PPP1R37: variants seen among roughly 807,000 people sequenced by gnomAD.
PPP1R37 encodes the protein leucine rich repeat containing 68.
In PPP1R37, 21 loss-of-function variants were observed where a neutral mutation model predicts 61.0. That is an observed-to-expected ratio of 0.34 (90% CI 0.24 to 0.50). PPP1R37 has a LOEUF of 0.50. PPP1R37 is among the 20% of genes least tolerant of loss of function. The pLI is 0.98. For synonymous variants in PPP1R37, 443 were observed against 433.5 expected, an observed-to-expected ratio of 1.02 and a Z score of -0.27; for missense variants, 910 against 952.7, an observed-to-expected ratio of 0.96 and a Z score of 0.59.
intron 1 of PPP1R37, among the ~76,000 whole-genome samples, chr19:45,105,191 C>T (rs940887936): frequency 3.9e-5 from 6 of 152,174 alleles, no homozygotes; most frequent in African/African-American, 1.4e-4. Context: ...CAGTCCCTAC[C>T]CTAGCATAGT....
intron 2 of PPP1R37, 127 bp from the exon 3 acceptor site, chr19:45,140,109 T>C (rs1383075845): frequency 6.5e-6 from 5 of 766,010 alleles, no homozygotes; most frequent in Non-Finnish European, 1.1e-5. Context: ...TCTGAGCCTC[T>C]GTTCAGTGCC....
At chr19:45,131,485 C>T (rs1294587962) in intron 1 of PPP1R37, among the ~76,000 whole-genome samples, 2 of 152,236 alleles carry the variant, frequency 1.3e-5, no homozygotes, top group African/African-American at 2.4e-5. Flanking sequence ...AGGCTCCATC[C>T]CTTGGGCAGG....
rs1288860695 is a variant in PPP1R37 at position 45,145,549 on chromosome 19, G to A, written c.1493G>A (p.Ser498Asn). The change falls in exon 11 of 13, where the codon AGC becomes AAC. Residue 498 changes from serine to asparagine, a missense_variant. By Grantham distance (46) the Ser-to-Asn change is conservative (BLOSUM62 1). Coordinates refer to ENST00000221462, the MANE Select transcript of PPP1R37 (RefSeq NM_019121.2). The part of the protein sequence containing the change: ...PAAGVQNGAP[S>N]PAPSPDSDSD... ...GCTGGGGTGCAGAACGGGGCCCCCA[G>A]CCCCGCACCCAGCCCGGACTCAGAC... 3 of 1,534,820 alleles carry A rather than the reference G, an allele frequency of 2.0e-6. No individual in the cohort carries two copies. The highest frequency in any genetic ancestry group is 2.6e-6 in the Non-Finnish European group (3 of 1,146,480).
In PPP1R37 at chr19:45,140,284, G is replaced by A. The variant is rs771260950; in HGVS notation, c.346+3G>A. 74 of 1,536,086 alleles carry A rather than the reference G, an allele frequency of 4.8e-5. No homozygotes were observed. Among genetic ancestry groups the A allele is most frequent in the Middle Eastern group, 1.7e-4 (1 of 5,990 alleles). The stretch of plus-strand genomic sequence containing the variant: ...CCTCGACTGTCTGGACCTGAAAGGT[G>A]TGTGTCTGGCTAGGGGTTGAGAGCC... On this transcript the variant is annotated splice_donor_region_variant and intron_variant, in intron 3 of 12. Coordinates refer to ENST00000221462, the MANE Select transcript of PPP1R37 (RefSeq NM_019121.2).
chr19:45,105,943 G>A (rs1968124531), intron 1 of PPP1R37, among the ~76,000 whole-genome samples: 1 of 152,250 alleles, frequency 6.6e-6, no homozygotes, highest in African/African-American at 2.4e-5. Context: ...CCCTCATGGA[G>A]CCTGGCTTAG....
chr19:45,104,320 G>A (rs138218778), intron 1 of PPP1R37, among the ~76,000 whole-genome samples: 1,887 of 152,292 alleles, frequency 0.012, 43 homozygotes, highest in African/African-American at 0.043. Context: ...GGGAGGGGTG[G>A]AACCACTGAA....
chr19:45,110,143 T>G (rs1716721401), intron 1 of PPP1R37, among the ~76,000 whole-genome samples: 3 of 144,084 alleles, frequency 2.1e-5, no homozygotes, highest in Admixed American at 7.0e-5. Context: ...TGAGACAGAG[T>G]CTTGCTCTGT....
chr19:45,129,862 A>G (rs1019023044), intron 1 of PPP1R37, among the ~76,000 whole-genome samples: 3 of 152,238 alleles, frequency 2.0e-5, no homozygotes, highest in Non-Finnish European at 2.9e-5. Flanking sequence ...TCCCCAACAC[A>G]TTTGTTAAAA....
chr19:45,120,480 C>G (rs79127930), intron 1 of PPP1R37, among the ~76,000 whole-genome samples: 1 of 152,194 alleles, frequency 6.6e-6, no homozygotes, highest in Non-Finnish European at 1.5e-5. Context: ...GGGAGCTAGC[C>G]GGTCCCTGCT....
chr19:45,135,700 G>A (rs1267937724), intron 1 of PPP1R37, among the ~76,000 whole-genome samples: 3 of 152,076 alleles, frequency 2.0e-5, no homozygotes, highest in Admixed American at 1.3e-4. Context: ...CGCCTGGCAC[G>A]AAGTCCGTGG....
chr19:45,133,240 CA>C (rs1405044968), intron 1 of PPP1R37, among the ~76,000 whole-genome samples: 4 of 152,192 alleles, frequency 2.6e-5, no homozygotes, highest in African/African-American at 7.2e-5. Context: ...TGCGCCACAA[CA>C]CCCAGCTAAT....
chr19:45,133,016 C>T (rs995098481), intron 1 of PPP1R37, among the ~76,000 whole-genome samples: 2 of 152,218 alleles, frequency 1.3e-5, no homozygotes. Context: ...CATTGCTTTG[C>T]TCAAGAGTTT....
chr19:45,138,826 G>A (rs1182478497), intron 2 of PPP1R37, among the ~76,000 whole-genome samples: 2 of 151,126 alleles, frequency 1.3e-5, no homozygotes, highest in Non-Finnish European at 2.9e-5. Context: ...GTATCTGTCA[G>A]CCCCAAAAGA....
chr19:45,143,472 A>G, intron 7 of PPP1R37, 49 bp from the exon 8 acceptor site: 1 of 1,187,444 alleles, frequency 8.4e-7, no homozygotes, highest in Non-Finnish European at 1.2e-6. Context: ...TCCCCTCCCC[A>G]GGAAGCACCC....
At chr19:45,125,420 AC>A (rs1286649896) in intron 1 of PPP1R37, among the ~76,000 whole-genome samples, 18 of 152,216 alleles carry the variant, frequency 1.2e-4, no homozygotes, top group African/African-American at 4.3e-4. Context: ...CCAAGATCAC[AC>A]CACTGCACTC....
intron 1 of PPP1R37, among the ~76,000 whole-genome samples, chr19:45,123,457 G>A (rs1353846800): frequency 6.6e-6 from 1 of 152,214 alleles, no homozygotes; most frequent in African/African-American, 2.4e-5. Flanking sequence ...CTTGAAGTTC[G>A]AGAAGGCTGC....
At chr19:45,143,802 T>C in intron 8 of PPP1R37, 169 bp downstream of exon 8, 1 of 525,582 alleles carries the variant, frequency 1.9e-6, no homozygotes. Context: ...TCTGTGCCTG[T>C]TTTCCCTGAG....
At chr19:45,125,674 C>T (rs559961004) in intron 1 of PPP1R37, among the ~76,000 whole-genome samples, 18 of 152,126 alleles carry the variant, frequency 1.2e-4, no homozygotes, top group African/African-American at 3.9e-4. Flanking sequence ...TGTCCCTGAC[C>T]GATCATTGTA....
At position 45,144,942 on chromosome 19, in the gene PPP1R37, G is replaced by C; in HGVS notation, c.1076G>C (p.Ser359Thr). 1.3e-6 allele frequency: 2 copies of C among 1,535,722 alleles called. No individual in the cohort carries two copies. Among genetic ancestry groups the C allele is most frequent in the South Asian group, 2.4e-5 (2 of 84,008 alleles). ...GVRHLKNGLI[S>T]NRSVLRLGLA... is the part of the protein sequence containing the mutation. ...CGGCACCTCAAGAACGGGCTCATCA[G>C]CAACCGCAGCGTGCTGCGCCTCGGG... The change falls in exon 9 of 13, where the codon AGC becomes ACC. Residue 359 changes from serine (S) to threonine (T), a missense_variant. Physicochemically the swap from Ser to Thr is moderately conservative, Grantham distance 58. Coordinates refer to ENST00000221462, the MANE Select transcript of PPP1R37 (RefSeq NM_019121.2).
Sources: allele counts gnomAD v4.1 joint callset (sites outside exome capture counted in the v4.1 genomes callset), GRCh38; gene constraint gnomAD v4.1.1; transcripts MANE v1.5; gene names NCBI Gene and HGNC (gene_info 2026-07-23, HGNC 2026-07-21).